Variants in SV2C observed in about 807,000 individuals in gnomAD.
The protein encoded by SV2C is solute carrier family 22 member B3.
A neutral mutation model predicts 79.7 loss-of-function variants in SV2C; 49 were observed. The ratio of observed to expected loss-of-function variants is 0.61; its 90% CI spans 0.49 to 0.78. The LOEUF is 0.78. SV2C is among the 30% of genes least tolerant of loss of function. The pLI is 0.00. For missense variants in SV2C, 833 were observed against 912.9 expected, an observed-to-expected ratio of 0.91 and a Z score of 1.13; for synonymous variants, 334 against 333.2, an observed-to-expected ratio of 1.00 and a Z score of -0.03.
intron 4 of SV2C, among the ~76,000 whole-genome samples, chr5:76,274,556 C>T (rs969713926): frequency 6.6e-6 from 1 of 152,096 alleles, no homozygotes; most frequent in East Asian, 1.9e-4. Flanking sequence ...TTAGAAAAAT[C>T]GACCTCATTC....
At chr5:76,183,763 A>G (rs1203957390) in intron 2 of SV2C, among the ~76,000 whole-genome samples, 2 of 151,880 alleles carry the variant, frequency 1.3e-5, no homozygotes, top group Non-Finnish European at 2.9e-5. Context: ...ACACTTCCAA[A>G]CCTTTGAAGA....
At chr5:75,894,488 T>C in the SV2C span, among the ~76,000 whole-genome samples, 555 of 152,182 alleles carry the variant, frequency 3.6e-3, 2 homozygotes, top group Middle Eastern at 0.01. Context: ...GGACAGTCTC[T>C]GGAGGGAGCA....
chr5:76,211,168 C>T (rs1308104536), intron 4 of SV2C, among the ~76,000 whole-genome samples: 2 of 152,170 alleles, frequency 1.3e-5, no homozygotes, highest in African/African-American at 4.8e-5. Flanking sequence ...CTTCTGGCAA[C>T]TCAGAACTGG....
At chr5:76,348,630 C>A (rs1451201148) in intron 12 of SV2C, among the ~76,000 whole-genome samples, 1 of 152,170 alleles carries the variant, frequency 6.6e-6, no homozygotes, top group Non-Finnish European at 1.5e-5. Flanking sequence ...GCTAACTGTA[C>A]CAGAGAAGGT....
At chr5:76,353,132 G>A (rs991168505) in exon 13 of SV2C, 6 of 452,488 alleles carry the variant, frequency 1.3e-5, no homozygotes, top group South Asian at 3.1e-5. Flanking sequence ...TTTTGTAGAC[G>A]CAGAGTCTTG....
At chr5:76,226,529 A>T (rs1745251931) in intron 4 of SV2C, among the ~76,000 whole-genome samples, 1 of 152,204 alleles carries the variant, frequency 6.6e-6, no homozygotes, top group South Asian at 2.1e-4. Context: ...TCTTATAGAG[A>T]TACAATTTAC....
the SV2C span, among the ~76,000 whole-genome samples, chr5:75,889,752 A>G: frequency 6.6e-6 from 1 of 152,148 alleles, no homozygotes; most frequent in Non-Finnish European, 1.5e-5. Context: ...CTTCATACAC[A>G]TCCACTGAAT....
chr5:76,060,017 A>T, the SV2C span, among the ~76,000 whole-genome samples: 2 of 152,120 alleles, frequency 1.3e-5, no homozygotes, highest in Admixed American at 6.6e-5. Flanking sequence ...ATTTTGAAAG[A>T]AAAATTTTTT....
the SV2C span, among the ~76,000 whole-genome samples, chr5:75,959,818 A>T: frequency 6.6e-6 from 1 of 152,008 alleles, no homozygotes; most frequent in Non-Finnish European, 1.5e-5. Context: ...TTTCCTGTAG[A>T]GGTAAAAGGA....
the SV2C span, among the ~76,000 whole-genome samples, chr5:75,978,832 T>C: frequency 2.0e-5 from 3 of 152,010 alleles, no homozygotes; most frequent in Non-Finnish European, 4.4e-5. Flanking sequence ...CAGTGGCTCA[T>C]ACCTGTAATT....
the SV2C span, among the ~76,000 whole-genome samples, chr5:75,963,180 C>T: frequency 2.0e-5 from 3 of 152,122 alleles, no homozygotes; most frequent in Non-Finnish European, 4.4e-5. Flanking sequence ...ACATCCTACT[C>T]GTTCCACTGA....
At chr5:76,181,842 G>C (rs974070543) in intron 2 of SV2C, among the ~76,000 whole-genome samples, 1 of 152,180 alleles carries the variant, frequency 6.6e-6, no homozygotes, top group Non-Finnish European at 1.5e-5. Flanking sequence ...GAACCCATAA[G>C]TGACTCCTCA....
the SV2C span, among the ~76,000 whole-genome samples, chr5:76,057,045 T>A: frequency 5.9e-5 from 9 of 152,184 alleles, no homozygotes; most frequent in African/African-American, 2.2e-4. Flanking sequence ...GCTGTTGGAT[T>A]TATTTGCTCT....
intron 12 of SV2C, among the ~76,000 whole-genome samples, chr5:76,309,532 G>A (rs1181267956): frequency 3.3e-5 from 5 of 149,286 alleles, no homozygotes; most frequent in Admixed American, 2.0e-4. Context: ...CCCGGGAGGC[G>A]GAGCTTGCAG....
chr5:76,154,548 A>G (rs6879785), intron 2 of SV2C, among the ~76,000 whole-genome samples: 56,030 of 152,018 alleles, frequency 0.37, 10,560 homozygotes, highest in South Asian at 0.45. Context: ...ATCACACTCC[A>G]GACCACACAG....
At position 76,209,972 on chromosome 5, in the gene SV2C, C is replaced by G. The variant is rs922907934; in HGVS notation, c.913+85C>G. The G allele has an allele frequency of 1.1e-5, 16 of 1,446,432 alleles. 1 individual carries two copies. Among genetic ancestry groups the G allele is most frequent in the Non-Finnish European group, 1.2e-5 (13 of 1,084,696 alleles). The allele number at this position is 1,446,432 out of a possible 1,614,324, so 89.6% of individuals were successfully genotyped here. Reference sequence around the variant, plus strand: ...CCATCTTCTTCCTCTCTTCTAAGGGCCACTTTGAGAAAAACTACTCATCAT... The same window carrying G: ...CCATCTTCTTCCTCTCTTCTAAGGGGCACTTTGAGAAAAACTACTCATCAT... On this transcript the variant is annotated intron_variant, in intron 4 of 12. Transcript: ENST00000502798.
intron 3 of SV2C, among the ~76,000 whole-genome samples, chr5:76,208,717 A>C (rs1322413962): frequency 6.6e-6 from 1 of 152,252 alleles, no homozygotes; most frequent in Non-Finnish European, 1.5e-5. Context: ...AACAAAAATG[A>C]ATCAGTGCAC....
the SV2C span, among the ~76,000 whole-genome samples, chr5:75,994,922 G>T: frequency 6.6e-6 from 1 of 152,170 alleles, no homozygotes; most frequent in Non-Finnish European, 1.5e-5. Context: ...CGGCCTGAGA[G>T]CCAAGGGGAA....
chr5:75,853,339 A>G, the SV2C span, among the ~76,000 whole-genome samples: 45 of 151,820 alleles, frequency 3.0e-4, no homozygotes, highest in Non-Finnish European at 1.2e-4. Context: ...GGCGGATCAC[A>G]ATATCAGGAG....
Sources: allele counts gnomAD v4.1 joint callset (sites outside exome capture counted in the v4.1 genomes callset), GRCh38; gene constraint gnomAD v4.1.1; transcripts MANE v1.5; gene names NCBI Gene and HGNC (gene_info 2026-07-23, HGNC 2026-07-21).